Variants in CDK5RAP1 observed in about 807,000 individuals in gnomAD.
CDK5RAP1 encodes the protein CDK5RAP1 mitochondrial tRNA methylthiotransferase.
CDK5RAP1 carries 62 observed loss-of-function variants against 64.5 expected under a neutral mutation model. The ratio of observed to expected loss-of-function variants is 0.96; its 90% CI spans 0.78 to 1.19. The LOEUF (loss-of-function observed/expected upper bound fraction) is 1.19. Ranked by LOEUF, CDK5RAP1 falls within the 50% of genes most tolerant of loss-of-function variation. The pLI is 0.00. For missense variants in CDK5RAP1, 657 were observed against 735.0 expected (o/e 0.89, Z 1.23); for synonymous variants, 250 against 261.9 (o/e 0.95, Z 0.44).
intron 5 of CDK5RAP1, among the ~76,000 whole-genome samples, chr20:33,388,293 TAAAA>T (rs948851604): frequency 6.6e-6 from 1 of 152,072 alleles, no homozygotes; most frequent in Non-Finnish European, 1.5e-5. Flanking sequence ...TCCATATCCT[TAAAA>T]AAATTATGTT....
chr20:33,376,089 G>T (rs973942252), intron 8 of CDK5RAP1, among the ~76,000 whole-genome samples: 4 of 152,130 alleles, frequency 2.6e-5, no homozygotes, highest in Non-Finnish European at 5.9e-5. Flanking sequence ...AGCACTTTAG[G>T]AGGCCAAGAT....
chr20:33,393,914 C>T (rs1305116418), intron 4 of CDK5RAP1, 118 bp downstream of exon 4: 3 of 758,114 alleles, frequency 4.0e-6, no homozygotes, highest in Non-Finnish European at 7.2e-6. Context: ...GGGAAAACTG[C>T]AAGTCCTACT....
intron 7 of CDK5RAP1, among the ~76,000 whole-genome samples, chr20:33,384,108 A>G (rs988017438): frequency 2.6e-5 from 4 of 152,208 alleles, no homozygotes; most frequent in Non-Finnish European, 5.9e-5. Context: ...ATAAACGGAC[A>G]TTCTGTTAAA....
chr20:33,395,130 T>G lies in CDK5RAP1; in HGVS notation c.305-14A>C. ...TCTCGAGGTAGACTGCAGTGAGAGG[T>G]TGGGGGGAATCCATGGTAGACAGAC... On this transcript the variant is annotated splice_polypyrimidine_tract_variant and intron_variant, in intron 2 of 13. Transcript: ENST00000346416. 6.7e-7 allele frequency: 1 copy of G among 1,488,932 alleles called. No homozygotes were observed. The highest frequency in any genetic ancestry group is 9.4e-7 in the Non-Finnish European group (1 of 1,066,836). 92.2% of individuals were successfully genotyped at this position (1,488,932 alleles called of 1,614,324 possible).
At chr20:33,387,589 C>T in intron 5 of CDK5RAP1, 56 bp from the exon 6 acceptor site, 1 of 1,390,208 alleles carries the variant, frequency 7.2e-7, no homozygotes, top group Admixed American at 1.7e-5. Flanking sequence ...TGTTTAATGG[C>T]TTCTTCTTAT....
At chr20:33,400,263 T>C (rs1200702923) in intron 1 of CDK5RAP1, among the ~76,000 whole-genome samples, 1 of 152,240 alleles carries the variant, frequency 6.6e-6, no homozygotes, top group Non-Finnish European at 1.5e-5. Flanking sequence ...AGGGGAACCC[T>C]GCTATACACG....
At chr20:33,364,188 CT>C (rs11479107) in intron 12 of CDK5RAP1, among the ~76,000 whole-genome samples, 52,795 of 134,822 alleles carry the variant, frequency 0.39, 9,798 homozygotes, top group Non-Finnish European at 0.48. Context: ...GAAGAAATAG[CT>C]TTTTTTTTTT....
At chr20:33,395,796 T>A (rs1210788840) in intron 2 of CDK5RAP1, among the ~76,000 whole-genome samples, 1 of 152,144 alleles carries the variant, frequency 6.6e-6, no homozygotes, top group African/African-American at 2.4e-5. Flanking sequence ...GCAGATCACT[T>A]GAGGTCAGGA....
Position 33,367,056 on chromosome 20 carries a change from G to A in CDK5RAP1, c.1393-48C>T, listed in dbSNP as rs375832341. On this transcript the variant is annotated intron_variant, in intron 11 of 13. Transcript: ENST00000346416. ...AGAAGATGGAGGTCACCAAGGACTT[G>A]TAGAATCTATTCTTAATGCACAGAG... 6.0e-4 allele frequency: 936 copies of A among 1,563,626 alleles called. 8 individuals are homozygous for A. Among genetic ancestry groups the A allele is most frequent in the South Asian group, 1.4e-3 (118 of 86,380 alleles).
At position 33,396,877 on chromosome 20, in the gene CDK5RAP1, G is replaced by A. The variant is rs181644430; in HGVS notation, c.188C>T (p.Pro63Leu). ...ACTTTTTAAAAAATGTTGAAAAGTC[G>A]GTCCAGCAGCCAGCCTGGAGCTGAA... ...KDFSSRLAAG[P>L]TFQHFLKSAS... Residue 63 changes from proline to leucine, a missense_variant, in exon 2 of 14, where the codon CCG (proline) becomes CTG (leucine). Coordinates refer to ENST00000346416, the MANE Select transcript of CDK5RAP1 (RefSeq NM_016408.4). 441 of 1,614,108 alleles carry A rather than the reference G, an allele frequency of 2.7e-4. No homozygotes were observed. The highest frequency in any genetic ancestry group is 3.4e-4 in the Non-Finnish European group (401 of 1,179,992).
chr20:33,364,600 G>A (rs927311493), intron 12 of CDK5RAP1, among the ~76,000 whole-genome samples: 2 of 151,548 alleles, frequency 1.3e-5, no homozygotes, highest in Non-Finnish European at 2.9e-5. Context: ...TTGAGACGGA[G>A]TTTCACTTTT....
chr20:33,388,816 T>C (rs534273149), intron 5 of CDK5RAP1, among the ~76,000 whole-genome samples: 2 of 151,996 alleles, frequency 1.3e-5, no homozygotes, highest in Non-Finnish European at 2.9e-5. Flanking sequence ...TGGTGGAGAC[T>C]GGGTTTCGCT....
At chr20:33,366,733 G>A (rs1247166717) in intron 12 of CDK5RAP1, 126 bp downstream of exon 12, 3 of 814,072 alleles carry the variant, frequency 3.7e-6, no homozygotes, top group Admixed American at 2.8e-5. Flanking sequence ...TTGGGAGGCT[G>A]AGGCAGGAGA....
chr20:33,365,828 G>C (rs142922651), intron 12 of CDK5RAP1, among the ~76,000 whole-genome samples: 27 of 152,330 alleles, frequency 1.8e-4, no homozygotes, highest in African/African-American at 6.3e-4. Context: ...GTTCCTGGCA[G>C]ACGGTAAATG....
rs1982410343 is a variant in CDK5RAP1, at chr20:33,359,018, T to G, written c.*25A>C. 1.3e-6 allele frequency: 2 copies of G among 1,554,540 alleles called. No individual in the cohort carries two copies. The highest frequency in any genetic ancestry group is 1.7e-5 in the Admixed American group (1 of 59,480). On this transcript the variant is annotated 3_prime_UTR_variant, in exon 14 of 14. Coordinates refer to ENST00000346416, the MANE Select transcript of CDK5RAP1 (RefSeq NM_016408.4). Reference sequence around the variant, plus strand: ...TTCCTGTTGGGGAGGATTGCCCAAGTCAGCTCTGAGGCCATCCTCTCAGGT... The same window carrying G: ...TTCCTGTTGGGGAGGATTGCCCAAGGCAGCTCTGAGGCCATCCTCTCAGGT...
intron 2 of CDK5RAP1, among the ~76,000 whole-genome samples, chr20:33,395,320 A>G (rs570085776): frequency 7.9e-5 from 12 of 152,306 alleles, no homozygotes; most frequent in Admixed American, 3.3e-4. Context: ...AAGAAATACC[A>G]TATTAGGCTG....
chr20:33,394,920 G>T, intron 3 of CDK5RAP1, 93 bp downstream of exon 3: 1 of 769,332 alleles, frequency 1.3e-6, no homozygotes. Context: ...CTCACCAGGG[G>T]GCACCCTGCT....
At chr20:33,394,479 C>CTT (rs377029678) in intron 3 of CDK5RAP1, among the ~76,000 whole-genome samples, 3 of 140,534 alleles carry the variant, frequency 2.1e-5, no homozygotes, top group African/African-American at 5.2e-5. Flanking sequence ...TATTTTTTTC[C>CTT]TTTTTTTTTT....
At chr20:33,362,279 G>T (rs1393828834) in intron 12 of CDK5RAP1, among the ~76,000 whole-genome samples, 1 of 152,078 alleles carries the variant, frequency 6.6e-6, no homozygotes, top group African/African-American at 2.4e-5. Flanking sequence ...AGCAGCCAAA[G>T]AAAATGGCAT....
Sources: gnomAD v4.1 joint callset for allele counts (sites outside exome capture counted in the v4.1 genomes callset) on GRCh38, gnomAD v4.1.1 for gene constraint, MANE v1.5 for transcripts, NCBI Gene and HGNC (gene_info 2026-07-23, HGNC 2026-07-21) for gene names.